SGMS1: variants seen among roughly 807,000 people sequenced by gnomAD.
SGMS1 encodes the protein phosphatidylcholine:ceramide cholinephosphotransferase 1.
SGMS1 carries 13 observed loss-of-function variants against 46.2 expected under a neutral mutation model. The ratio of observed to expected loss-of-function variants is 0.28; its 90% CI spans 0.18 to 0.45. SGMS1 has a LOEUF of 0.45. SGMS1 is among the 20% of genes least tolerant of loss of function. SGMS1 has a pLI of 1.00. For synonymous variants in SGMS1, 203 were observed against 187.8 expected (o/e 1.08, Z -0.66); for missense variants, 324 against 519.9 (o/e 0.62, Z 3.66).
chr10:50,623,920 G>A lies in SGMS1; in HGVS notation c.-897C>T, dbSNP rs1027461719. 10 of 986,634 alleles carry A rather than the reference G, an allele frequency of 1.0e-5. No individual in the cohort carries two copies. The highest frequency in any genetic ancestry group is 1.1e-5 in the Non-Finnish European group (9 of 831,062). The allele number at this position is 986,634 out of a possible 1,614,324, so 61.1% of individuals were successfully genotyped here. On this transcript the variant is annotated 5_prime_UTR_variant, in exon 1 of 11. Transcript: ENST00000361781. ...CCCGCAGCCGCTGCCCCGCTGGTGC[G>A]AACGCTTTCGACTTGCCACCGCGAG... is the stretch of plus-strand genomic sequence containing the variant.
chr10:50,497,519 G>A (rs1837625000), intron 3 of SGMS1, among the ~76,000 whole-genome samples: 1 of 152,172 alleles, frequency 6.6e-6, no homozygotes, highest in Non-Finnish European at 1.5e-5. Flanking sequence ...CTGGCCGGGC[G>A]CGGTGGCTCA....
intron 3 of SGMS1, among the ~76,000 whole-genome samples, chr10:50,489,348 T>C (rs529254845): frequency 1.3e-5 from 2 of 152,346 alleles, no homozygotes; most frequent in African/African-American, 4.8e-5. Flanking sequence ...GTGGATGCTT[T>C]CAAATGATAA....
At chr10:50,617,292 G>C (rs2131941086) in intron 1 of SGMS1, among the ~76,000 whole-genome samples, 1 of 152,318 alleles carries the variant, frequency 6.6e-6, no homozygotes, top group East Asian at 1.9e-4. Flanking sequence ...TTAAAAATCA[G>C]TATGTTGAAT....
At chr10:50,371,862 C>T (rs1848440623) in intron 6 of SGMS1, among the ~76,000 whole-genome samples, 1 of 152,156 alleles carries the variant, frequency 6.6e-6, no homozygotes, top group African/African-American at 2.4e-5. Context: ...GGGGTGAGCT[C>T]ATCCTTTTAT....
At chr10:50,596,990 C>CA (rs1564440907) in intron 1 of SGMS1, among the ~76,000 whole-genome samples, 1 of 152,080 alleles carries the variant, frequency 6.6e-6, no homozygotes, top group Non-Finnish European at 1.5e-5. Flanking sequence ...TTCTCCACCA[C>CA]AAAAATAAAA....
intron 3 of SGMS1, among the ~76,000 whole-genome samples, chr10:50,480,417 T>C (rs1383543909): frequency 6.6e-6 from 1 of 151,870 alleles, no homozygotes; most frequent in Non-Finnish European, 1.5e-5. Context: ...GGCGAATGAA[T>C]CCTGCACCTT....
At chr10:50,346,654 C>T (rs1391828739) in intron 6 of SGMS1, among the ~76,000 whole-genome samples, 2 of 152,096 alleles carry the variant, frequency 1.3e-5, no homozygotes, top group African/African-American at 2.4e-5. Context: ...GGCTGTCCTA[C>T]TCCTTGCCCC....
intron 5 of SGMS1, among the ~76,000 whole-genome samples, chr10:50,443,770 A>G (rs537719160): frequency 6.6e-6 from 1 of 152,234 alleles, no homozygotes; most frequent in Non-Finnish European, 1.5e-5. Context: ...TTTAAAACAT[A>G]TATGACTAAT....
intron 2 of SGMS1, among the ~76,000 whole-genome samples, chr10:50,552,692 A>T (rs1838158724): frequency 6.6e-6 from 1 of 152,240 alleles, no homozygotes; most frequent in Non-Finnish European, 1.5e-5. Flanking sequence ...GTCCCCCGCC[A>T]AAAGATATCC....
chr10:50,306,947 TTTC>T lies in SGMS1; in HGVS notation c.*192_*194del, dbSNP rs1847188508. 3.5e-6 allele frequency: 2 copies of T among 564,516 alleles called. No homozygotes were observed. Among genetic ancestry groups the T allele is most frequent in the Non-Finnish European group, 6.2e-6 (2 of 323,828 alleles). 35.0% of individuals were successfully genotyped at this position (564,516 alleles called of 1,614,324 possible). A position where few individuals can be genotyped will look rare whatever the true frequency, so the allele number is the denominator to read the frequency against. Reference sequence around the variant, plus strand: ...TGTACAGTGCATGATAGGTTAAATTTTTCTTTATTGTTGTCCAACGCAGGTCCT... The same window carrying T: ...TGTACAGTGCATGATAGGTTAAATTTTTTATTGTTGTCCAACGCAGGTCCT... On this transcript the variant is annotated 3_prime_UTR_variant, in exon 11 of 11. Coordinates refer to ENST00000361781, the MANE Select transcript of SGMS1 (RefSeq NM_147156.4).
chr10:50,445,358 G>A (rs997421962), intron 5 of SGMS1, among the ~76,000 whole-genome samples: 14 of 152,216 alleles, frequency 9.2e-5, no homozygotes, highest in Non-Finnish European at 1.9e-4. Context: ...ATACTTCTAA[G>A]AACACACTCA....
intron 1 of SGMS1, among the ~76,000 whole-genome samples, chr10:50,622,596 A>G (rs982472808): frequency 6.6e-6 from 1 of 152,210 alleles, no homozygotes; most frequent in African/African-American, 2.4e-5. Flanking sequence ...GAACATAGAA[A>G]ATAAACTTCC....
chr10:50,370,347 T>C (rs1215240042), intron 6 of SGMS1, among the ~76,000 whole-genome samples: 3 of 152,036 alleles, frequency 2.0e-5, no homozygotes, highest in Non-Finnish European at 4.4e-5. Flanking sequence ...AAACGCATTA[T>C]ACAGCTGTAT....
intron 6 of SGMS1, among the ~76,000 whole-genome samples, chr10:50,369,628 G>T (rs1848403537): frequency 6.7e-6 from 1 of 149,840 alleles, no homozygotes; most frequent in African/African-American, 2.4e-5. Context: ...ACAAAAAAAT[G>T]AAAGACATAT....
At chr10:50,372,855 T>C (rs1311454992) in intron 6 of SGMS1, among the ~76,000 whole-genome samples, 1 of 152,116 alleles carries the variant, frequency 6.6e-6, no homozygotes, top group Non-Finnish European at 1.5e-5. Context: ...AGGGAATCAG[T>C]CAACCTTAAG....
chr10:50,313,244 A>C (rs1847286548), intron 8 of SGMS1, among the ~76,000 whole-genome samples: 1 of 152,228 alleles, frequency 6.6e-6, no homozygotes, highest in Non-Finnish European at 1.5e-5. Context: ...GGGATCATGA[A>C]GGAGGAGTCA....
intron 7 of SGMS1, among the ~76,000 whole-genome samples, chr10:50,334,035 C>A (rs1177644861): frequency 1.3e-5 from 2 of 152,174 alleles, no homozygotes; most frequent in African/African-American, 4.8e-5. Context: ...GACAGAGTCA[C>A]AACAAAACCC....
At chr10:50,336,464 G>C (rs1847718957) in intron 7 of SGMS1, among the ~76,000 whole-genome samples, 1 of 152,214 alleles carries the variant, frequency 6.6e-6, no homozygotes, top group African/African-American at 2.4e-5. Context: ...AGCTAGGACA[G>C]AGCTAAGGGC....
rs936774135 is a variant in SGMS1, at chr10:50,496,933, T to C, written c.-498+22898A>G. 2.0e-4 allele frequency among the ~76,000 whole-genome samples: 30 copies of C among 152,282 alleles called. 1 individual carries two copies. The highest frequency in any genetic ancestry group is 6.8e-3 in the Middle Eastern group (2 of 294). ...ATGTCAACTAATGTCACTACCAACA[T>C]CTTTAGACACAAACCCACAGCAGCC... On this transcript the variant is annotated intron_variant, in intron 3 of 10. Transcript: ENST00000361781.
Sources: gnomAD v4.1 joint callset for allele counts (sites outside exome capture counted in the v4.1 genomes callset) on GRCh38, gnomAD v4.1.1 for gene constraint, MANE v1.5 for transcripts, NCBI Gene and HGNC (gene_info 2026-07-23, HGNC 2026-07-21) for gene names.